The following KDM4C variants were observed in gnomAD, a reference collection of about 807,000 sequenced individuals.
KDM4C encodes the protein lysine-specific demethylase 4C.
A neutral mutation model predicts 129.3 loss-of-function variants in KDM4C; 81 were observed. The observed-to-expected ratio is 0.63, with a 90% confidence interval of 0.52 to 0.75. The LOEUF (loss-of-function observed/expected upper bound fraction) is 0.75. Among genes scored for constraint, KDM4C ranks in the 30% least tolerant of loss-of-function variants. The pLI, the probability that KDM4C is intolerant of heterozygous loss-of-function variation, is 0.00. For missense variants in KDM4C, 1,457 were observed against 1,304.0 expected (o/e 1.12, Z -1.81); for synonymous variants, 573 against 456.1 (o/e 1.26, Z -3.26).
At chr9:6,813,352 A>C (rs1831510923) in intron 3 of KDM4C, among the ~76,000 whole-genome samples, 1 of 152,036 alleles carries the variant, frequency 6.6e-6, no homozygotes, top group African/African-American at 2.4e-5. Context: ...TTTATTTTTG[A>C]CTGTGCTTTA....
chr9:6,868,015 T>C (rs1300077527), intron 5 of KDM4C, among the ~76,000 whole-genome samples: 1 of 152,154 alleles, frequency 6.6e-6, no homozygotes, highest in African/African-American at 2.4e-5. Context: ...CAAAACTTTC[T>C]ATACATGAAA....
intron 5 of KDM4C, among the ~76,000 whole-genome samples, chr9:6,873,941 C>T (rs190375623): frequency 1.5e-5 from 2 of 132,080 alleles, no homozygotes; most frequent in African/African-American, 3.0e-5. Flanking sequence ...TGAGAGAGAG[C>T]GAGAGAGAGA....
chr9:6,867,302 CTG>C (rs1842193887), intron 5 of KDM4C, among the ~76,000 whole-genome samples: 1 of 152,170 alleles, frequency 6.6e-6, no homozygotes, highest in Non-Finnish European at 1.5e-5. Flanking sequence ...GCGTGAGCCG[CTG>C]CGCCCGGCCA....
At chr9:6,892,840 T>G (rs1846296765) in intron 7 of KDM4C, among the ~76,000 whole-genome samples, 1 of 152,210 alleles carries the variant, frequency 6.6e-6, no homozygotes, top group Non-Finnish European at 1.5e-5. Context: ...AATTAAAATG[T>G]AATAGCTTTG....
At chr9:6,971,824 AAG>A (rs1199172496) in intron 8 of KDM4C, among the ~76,000 whole-genome samples, 25 of 152,212 alleles carry the variant, frequency 1.6e-4, no homozygotes, top group Admixed American at 3.9e-4. Context: ...GAAATGAGGG[AAG>A]TTATTGAATA....
chr9:6,846,029 A>C (rs1231803752), intron 4 of KDM4C, among the ~76,000 whole-genome samples: 1 of 152,212 alleles, frequency 6.6e-6, no homozygotes, highest in African/African-American at 2.4e-5. Context: ...CTCTCAAGTG[A>C]AGCAGTCTGC....
intron 15 of KDM4C, among the ~76,000 whole-genome samples, chr9:7,017,678 T>G (rs1170697725): frequency 6.6e-6 from 1 of 152,216 alleles, no homozygotes; most frequent in Non-Finnish European, 1.5e-5. Context: ...GCCTCACTCA[T>G]GATCTCAGAG....
intron 8 of KDM4C, among the ~76,000 whole-genome samples, chr9:6,945,511 AAATT>A (rs1416256703): frequency 6.6e-6 from 1 of 152,220 alleles, no homozygotes; most frequent in African/African-American, 2.4e-5. Flanking sequence ...TTGTAAGCTT[AAATT>A]AATTAATTTT....
intron 18 of KDM4C, among the ~76,000 whole-genome samples, chr9:7,123,499 T>G (rs1171480858): frequency 6.6e-6 from 1 of 152,212 alleles, no homozygotes; most frequent in Admixed American, 6.5e-5. Context: ...CTCTTCCATT[T>G]TGAAAGTTTG....
intron 12 of KDM4C, among the ~76,000 whole-genome samples, chr9:7,008,298 A>G (rs1049505768): frequency 3.3e-5 from 5 of 152,144 alleles, no homozygotes; most frequent in African/African-American, 1.2e-4. Flanking sequence ...GGATTGCTCC[A>G]GTGTCAGGCC....
chr9:6,757,104 G>A (rs1429748749), upstream of KDM4C, among the ~76,000 whole-genome samples: 2 of 152,310 alleles, frequency 1.3e-5, no homozygotes, highest in South Asian at 2.1e-4. Flanking sequence ...TGGCAGTACA[G>A]GGGCTTAAGG....
At chr9:6,982,077 A>G (rs997140078) in intron 9 of KDM4C, 1 of 151,930 alleles carries the variant, frequency 6.6e-6, no homozygotes, top group African/African-American at 2.4e-5. Flanking sequence ...TTTTCATGTA[A>G]CTGATTGATT....
intron 19 of KDM4C, among the ~76,000 whole-genome samples, chr9:7,141,487 T>G (rs148427845): frequency 2.6e-5 from 4 of 152,342 alleles, no homozygotes; most frequent in African/African-American, 9.6e-5. Flanking sequence ...ATTTAGGATC[T>G]GAAATATATT....
At chr9:6,950,161 A>G (rs994310135) in intron 8 of KDM4C, among the ~76,000 whole-genome samples, 1 of 148,734 alleles carries the variant, frequency 6.7e-6, no homozygotes, top group Non-Finnish European at 1.5e-5. Context: ...TGATGTTTTG[A>G]GATGCATAAA....
chr9:6,983,839 T>C (rs1031416594), intron 9 of KDM4C, among the ~76,000 whole-genome samples: 10 of 152,236 alleles, frequency 6.6e-5, no homozygotes, highest in Non-Finnish European at 1.2e-4. Flanking sequence ...TTTATTTCTG[T>C]CTCATTTCAA....
chr9:6,785,250 G>C (rs1209843624), intron 1 of KDM4C, among the ~76,000 whole-genome samples: 1 of 152,074 alleles, frequency 6.6e-6, no homozygotes, highest in Non-Finnish European at 1.5e-5. Flanking sequence ...AGGAGTCCTT[G>C]GCATTCCTTG....
intron 8 of KDM4C, among the ~76,000 whole-genome samples, chr9:6,975,417 A>G (rs2821444): frequency 0.99 from 151,271 of 152,326 alleles, 75,119 homozygotes; most frequent in East Asian, 1. Flanking sequence ...TGTATGTATT[A>G]AATGTGGTTT....
chr9:6,876,817 A>G (rs915410291), intron 5 of KDM4C, among the ~76,000 whole-genome samples: 2 of 152,178 alleles, frequency 1.3e-5, no homozygotes, highest in Non-Finnish European at 2.9e-5. Flanking sequence ...TGAAAGTGCT[A>G]TGTGAAGCTT....
chr9:6,819,307 C>G (rs1446532446), intron 4 of KDM4C, among the ~76,000 whole-genome samples: 1 of 152,158 alleles, frequency 6.6e-6, no homozygotes, highest in Non-Finnish European at 1.5e-5. Context: ...TGTTTGAAAG[C>G]CATTTACTCA....
Sources: allele counts gnomAD v4.1 joint callset (sites outside exome capture counted in the v4.1 genomes callset), GRCh38; gene constraint gnomAD v4.1.1; transcripts MANE v1.5; gene names NCBI Gene and HGNC (gene_info 2026-07-23, HGNC 2026-07-21).